Variants in FAR2 observed in about 807,000 individuals in gnomAD.
FAR2 encodes the protein epididymis secretory protein Li 81.
Under a neutral mutation model 56.0 loss-of-function variants are expected in FAR2, and 19 were observed. The observed-to-expected ratio is 0.34, with a 90% confidence interval of 0.24 to 0.50. FAR2 has a LOEUF of 0.50. FAR2 is among the 20% of genes least tolerant of loss of function. FAR2 has a pLI of 0.98. For synonymous variants in FAR2, 219 were observed against 218.8 expected (o/e 1.00, Z -0.01); for missense variants, 508 against 642.2 (o/e 0.79, Z 2.26).
chr12:29,250,227 C>T (rs1948186315), intron 1 of FAR2, among the ~76,000 whole-genome samples: 1 of 152,170 alleles, frequency 6.6e-6, no homozygotes, highest in Non-Finnish European at 1.5e-5. Context: ...TGTATTAATA[C>T]ATAACCACTA....
chr12:29,307,404 C>T (rs1231568879), intron 4 of FAR2, among the ~76,000 whole-genome samples: 3 of 129,492 alleles, frequency 2.3e-5, no homozygotes, highest in African/African-American at 5.5e-5. Flanking sequence ...TACCTACCTG[C>T]CTGCCTACCT....
chr12:29,151,942 C>A (rs981104043), intron 1 of FAR2: 1 of 152,202 alleles, frequency 6.6e-6, no homozygotes, highest in African/African-American at 2.4e-5. Context: ...ACTTTGCCCT[C>A]CATTTTTCAG....
chr12:29,273,146 C>A (rs1004656414), intron 2 of FAR2, among the ~76,000 whole-genome samples: 2 of 152,130 alleles, frequency 1.3e-5, no homozygotes, highest in African/African-American at 2.4e-5. Context: ...GACCGTTTAA[C>A]GAACCACTTT....
At chr12:29,232,821 G>GCGCGCACACACA (rs71444325) in intron 1 of FAR2, among the ~76,000 whole-genome samples, 8 of 145,950 alleles carry the variant, frequency 5.5e-5, no homozygotes, top group African/African-American at 1.5e-4. Context: ...ACGCGCTCGC[G>GCGCGCACACACA]CACACACACA....
intron 2 of FAR2, among the ~76,000 whole-genome samples, chr12:29,281,742 T>TAAA (rs71042976): frequency 2.1e-5 from 3 of 143,388 alleles, no homozygotes; most frequent in Non-Finnish European, 3.1e-5. Flanking sequence ...CAACATCACC[T>TAAA]AAAAAAAAAA....
chr12:29,236,435 T>C (rs888233048), intron 1 of FAR2, among the ~76,000 whole-genome samples: 1 of 152,088 alleles, frequency 6.6e-6, no homozygotes, highest in Non-Finnish European at 1.5e-5. Flanking sequence ...CAAGACTGGG[T>C]AATTTATAAA....
chr12:29,319,242 C>T lies in FAR2; in HGVS notation c.1127+2230C>T, dbSNP rs550454878. Among the ~76,000 whole-genome samples the T allele has an allele frequency of 2.0e-4, 31 of 152,250 alleles. No homozygotes were observed. In the South Asian group the frequency reaches 4.8e-3, roughly 23 times the overall value. ...CTGACCTCAAGCAAGTCACCCGCCT[C>T]GGCCTCCCAAAGTGCTGGGATTACA... On this transcript the variant is annotated intron_variant, in intron 9 of 11. Coordinates refer to ENST00000536681, the MANE Select transcript of FAR2 (RefSeq NM_001271783.2).
intron 1 of FAR2, among the ~76,000 whole-genome samples, chr12:29,204,883 T>C (rs1947461693): frequency 6.6e-6 from 1 of 152,124 alleles, no homozygotes; most frequent in Non-Finnish European, 1.5e-5. Context: ...AACCCATTCA[T>C]GAGAACTTCA....
At chr12:29,201,694 G>A (rs552429279) in intron 1 of FAR2, among the ~76,000 whole-genome samples, 3 of 152,254 alleles carry the variant, frequency 2.0e-5, no homozygotes, top group African/African-American at 7.2e-5. Flanking sequence ...GGTCAAACCT[G>A]AGCCCATTAT....
chr12:29,317,089 C>T (rs773194943), intron 9 of FAR2, 77 bp downstream of exon 9: 46 of 1,438,574 alleles, frequency 3.2e-5, no homozygotes, highest in Non-Finnish European at 4.2e-5. Flanking sequence ...GTGCTTCCTT[C>T]AGCCGAGGAT....
chr12:29,257,463 A>G (rs7303605), intron 1 of FAR2, among the ~76,000 whole-genome samples: 5,393 of 152,198 alleles, frequency 0.035, 309 homozygotes, highest in African/African-American at 0.12. Flanking sequence ...CAGGCTGCCC[A>G]AGCCAGCAGT....
intron 1 of FAR2, among the ~76,000 whole-genome samples, chr12:29,184,944 G>A (rs929199558): frequency 6.6e-6 from 1 of 151,876 alleles, no homozygotes; most frequent in Non-Finnish European, 1.5e-5. Context: ...TCAAGTTCTC[G>A]GTTCAAATTC....
chr12:29,290,174 G>A (rs1948943039), intron 2 of FAR2, among the ~76,000 whole-genome samples: 1 of 152,142 alleles, frequency 6.6e-6, no homozygotes, highest in Non-Finnish European at 1.5e-5. Flanking sequence ...GGCCAGGTGT[G>A]GTGGCTCATG....
At chr12:29,187,853 A>C (rs1950058414) in intron 1 of FAR2, among the ~76,000 whole-genome samples, 1 of 152,228 alleles carries the variant, frequency 6.6e-6, no homozygotes, top group Non-Finnish European at 1.5e-5. Context: ...CCATTGTAGC[A>C]TGAAAGCAGC....
chr12:29,183,252 T>C (rs1950009412), intron 1 of FAR2, among the ~76,000 whole-genome samples: 1 of 152,198 alleles, frequency 6.6e-6, no homozygotes, highest in Non-Finnish European at 1.5e-5. Flanking sequence ...GACAATTCAC[T>C]CTTTTAAGAT....
At chr12:29,196,043 T>C (rs1228598411) in intron 1 of FAR2, among the ~76,000 whole-genome samples, 2 of 152,208 alleles carry the variant, frequency 1.3e-5, no homozygotes, top group African/African-American at 4.8e-5. Context: ...CATTTTTTTA[T>C]GGCCAAATAG....
At chr12:29,183,335 A>T (rs1423098136) in intron 1 of FAR2, among the ~76,000 whole-genome samples, 1 of 151,980 alleles carries the variant, frequency 6.6e-6, no homozygotes, top group East Asian at 1.9e-4. Context: ...CCTTTCAATT[A>T]TTATCACCTA....
chr12:29,279,379 G>A (rs1948750723), intron 2 of FAR2, among the ~76,000 whole-genome samples: 1 of 152,146 alleles, frequency 6.6e-6, no homozygotes, highest in Non-Finnish European at 1.5e-5. Context: ...ACACATGAAT[G>A]CCCAATCTTT....
chr12:29,175,464 C>A (rs897694588), intron 1 of FAR2, among the ~76,000 whole-genome samples: 2 of 152,198 alleles, frequency 1.3e-5, no homozygotes, highest in African/African-American at 4.8e-5. Context: ...AAAGAGTGAG[C>A]AGCAGCAAGA....
Sources: gnomAD v4.1 joint callset for allele counts (sites outside exome capture counted in the v4.1 genomes callset) on GRCh38, gnomAD v4.1.1 for gene constraint, MANE v1.5 for transcripts, NCBI Gene and HGNC (gene_info 2026-07-23, HGNC 2026-07-21) for gene names.